The following AKAP13 variants were observed in gnomAD, a reference collection of about 807,000 sequenced individuals.
AKAP13 encodes the protein A-kinase anchor protein 13.
A neutral mutation model predicts 264.5 loss-of-function variants in AKAP13; 80 were observed. The observed-to-expected ratio is 0.30, with a 90% confidence interval of 0.25 to 0.36. AKAP13 has a LOEUF of 0.36. Ranked by LOEUF, AKAP13 falls within the 10% of genes least tolerant of loss-of-function variation. The probability of loss-of-function intolerance (pLI) is 1.00; values close to 1 mark genes in which losing one functional copy is unlikely to be tolerated. For missense variants in AKAP13, 3,712 were observed against 3,435.2 expected (o/e 1.08, Z -2.01); for synonymous variants, 1,380 against 1,250.2 (o/e 1.10, Z -2.19).
intron 1 of AKAP13, 123 bp downstream of exon 1, chr15:85,380,921 T>A (rs973539933): frequency 9.9e-6 from 1 of 100,980 alleles, no homozygotes; most frequent in Non-Finnish European, 2.1e-5. Flanking sequence ...GGGCGGGGGC[T>A]GCGGGGGTTT....
Position 85,381,064 on chromosome 15 carries a change from A to T in AKAP13, c.-12+266A>T, listed in dbSNP as rs1595985406. On this transcript the variant is annotated intron_variant, in intron 1 of 36. Coordinates refer to ENST00000394518, the MANE Select transcript of AKAP13 (RefSeq NM_007200.5). ...GGCGCGCCTCCCACTCCGCAGCCCA[A>T]CTTAGAGGCCGTCGCCGCTTTCCGG... is the stretch of plus-strand genomic sequence containing the variant. Among the ~76,000 whole-genome samples, 3 of 151,734 alleles carry T rather than the reference A, an allele frequency of 2.0e-5. No homozygotes were observed. In the East Asian group the frequency reaches 5.9e-4, roughly 30 times the overall value.
chr15:85,712,287 A>T (rs2086671468), intron 19 of AKAP13, among the ~76,000 whole-genome samples: 1 of 152,168 alleles, frequency 6.6e-6, no homozygotes. Context: ...CCCTTTAGAT[A>T]TATTTAATCT....
intron 8 of AKAP13, chr15:85,624,405 T>C (rs967060858): frequency 1.3e-5 from 2 of 152,176 alleles, no homozygotes; most frequent in Non-Finnish European, 2.9e-5. Flanking sequence ...TGAGGAGGAA[T>C]AGTCTGTCTC....
intron 5 of AKAP13, among the ~76,000 whole-genome samples, chr15:85,559,400 A>G (rs1038375503): frequency 6.6e-6 from 1 of 152,256 alleles, no homozygotes; most frequent in African/African-American, 2.4e-5. Flanking sequence ...CAGTTTTTTC[A>G]TGGACCTGTG....
chr15:85,710,447 G>T, intron 18 of AKAP13, 132 bp from the exon 19 acceptor site: 1 of 729,012 alleles, frequency 1.4e-6, no homozygotes, highest in Non-Finnish European at 2.2e-6. Flanking sequence ...ACCGTGGCTG[G>T]GACACAGGGT....
chr15:85,707,539 C>T (rs1039853596), intron 17 of AKAP13, among the ~76,000 whole-genome samples: 1 of 152,182 alleles, frequency 6.6e-6, no homozygotes, highest in Admixed American at 6.5e-5. Context: ...AATTTTGTAA[C>T]CCCTGTTAGG....
intron 1 of AKAP13, among the ~76,000 whole-genome samples, chr15:85,448,848 C>CTT (rs368790274): frequency 0.3 from 39,036 of 129,252 alleles, 7,882 homozygotes; most frequent in African/African-American, 0.57. Flanking sequence ...GCTATTCAGG[C>CTT]TTTTTTTTTT....
intron 12 of AKAP13, among the ~76,000 whole-genome samples, chr15:85,660,875 A>G (rs563349430): frequency 6.6e-6 from 1 of 152,330 alleles, no homozygotes; most frequent in South Asian, 2.1e-4. Context: ...AAAGAGCCAT[A>G]GGGGTAGCTC....
At chr15:85,646,955 C>T (rs560787549) in intron 10 of AKAP13, among the ~76,000 whole-genome samples, 1 of 152,320 alleles carries the variant, frequency 6.6e-6, no homozygotes, top group East Asian at 1.9e-4. Flanking sequence ...AAGTGGTTTT[C>T]TTAATGGTAA....
intron 1 of AKAP13, among the ~76,000 whole-genome samples, chr15:85,453,157 G>A (rs2074152620): frequency 6.6e-6 from 1 of 152,182 alleles, no homozygotes; most frequent in African/African-American, 2.4e-5. Flanking sequence ...TAATGTCTTT[G>A]CTCCTTCATC....
chr15:85,608,237 G>T (rs1438173509), intron 8 of AKAP13, among the ~76,000 whole-genome samples: 1 of 152,140 alleles, frequency 6.6e-6, no homozygotes, highest in African/African-American at 2.4e-5. Context: ...TGGTTATTTT[G>T]AGCAGGAGTT....
intron 8 of AKAP13, among the ~76,000 whole-genome samples, chr15:85,601,266 CT>C (rs2080055400): frequency 6.6e-6 from 1 of 152,140 alleles, no homozygotes; most frequent in Admixed American, 6.5e-5. Flanking sequence ...TAGGAAGTAC[CT>C]TTCAGTTAAC....
intron 1 of AKAP13, among the ~76,000 whole-genome samples, chr15:85,439,293 T>A (rs1334468429): frequency 6.9e-6 from 1 of 145,712 alleles, no homozygotes; most frequent in African/African-American, 2.5e-5. Context: ...CCAGTTAGAA[T>A]GGCAATCATT....
intron 5 of AKAP13, among the ~76,000 whole-genome samples, chr15:85,573,968 T>A (rs2078918175): frequency 6.6e-6 from 1 of 152,226 alleles, no homozygotes; most frequent in African/African-American, 2.4e-5. Context: ...AAAACAGTGC[T>A]TAGATTATAA....
At chr15:85,503,822 A>T (rs2076106464) in intron 2 of AKAP13, among the ~76,000 whole-genome samples, 1 of 152,196 alleles carries the variant, frequency 6.6e-6, no homozygotes, top group African/African-American at 2.4e-5. Flanking sequence ...GAGTAGTGAG[A>T]CAGGTAGGAA....
chr15:85,704,242 G>T (rs1227855702), intron 17 of AKAP13, among the ~76,000 whole-genome samples: 1 of 152,170 alleles, frequency 6.6e-6, no homozygotes, highest in Non-Finnish European at 1.5e-5. Flanking sequence ...GGCTGCATAT[G>T]ACTCAGCTCC....
rs78159354 is a variant in AKAP13, at chr15:85,619,000, G to A, written c.4162-20374G>A. Among the ~76,000 whole-genome samples the A allele has an allele frequency of 3.9e-5, 6 of 152,250 alleles. No individual in the cohort carries two copies. The East Asian group carries it at 1.2e-3, about 29-fold the overall frequency. ...CAGGGAGGTATAGTGTATGCTTTGG[G>A]TAGTTTCAATTTTCTGTACCTCACG... On this transcript the variant is annotated intron_variant, in intron 8 of 36. Transcript: ENST00000394518.
At chr15:85,571,474 T>C (rs1048858329) in intron 5 of AKAP13, among the ~76,000 whole-genome samples, 2 of 152,240 alleles carry the variant, frequency 1.3e-5, no homozygotes, top group African/African-American at 4.8e-5. Context: ...AACATTCTTA[T>C]GCATAGAGTT....
intron 8 of AKAP13, among the ~76,000 whole-genome samples, chr15:85,610,478 T>C (rs1186535627): frequency 2.0e-5 from 3 of 152,234 alleles, no homozygotes; most frequent in Non-Finnish European, 2.9e-5. Context: ...AAAAGGATAG[T>C]CGTGATGCAT....
Sources: allele counts gnomAD v4.1 joint callset (sites outside exome capture counted in the v4.1 genomes callset), GRCh38; gene constraint gnomAD v4.1.1; transcripts MANE v1.5; gene names NCBI Gene and HGNC (gene_info 2026-07-23, HGNC 2026-07-21).